The following SNX29 variants were observed in gnomAD, a reference collection of about 807,000 sequenced individuals.
SNX29 encodes sorting nexin 29.
SNX29 carries 78 observed loss-of-function variants against 102.1 expected under a neutral mutation model. The ratio of observed to expected loss-of-function variants is 0.76; its 90% CI spans 0.64 to 0.92. The LOEUF is 0.92. Among genes scored for constraint, SNX29 ranks in the 40% least tolerant of loss-of-function variants. SNX29 has a pLI of 0.00. For missense variants in SNX29, 1,280 were observed against 1,061.7 expected, an observed-to-expected ratio of 1.21 and a Z score of -2.86; for synonymous variants, 580 against 414.5, an observed-to-expected ratio of 1.40 and a Z score of -4.85.
At chr16:12,496,557 C>T (rs2088836861) in intron 19 of SNX29, among the ~76,000 whole-genome samples, 1 of 145,570 alleles carries the variant, frequency 6.9e-6, no homozygotes, top group African/African-American at 2.6e-5. Context: ...GTTTCCCAGG[C>T]TAGAGTGCAG....
At chr16:12,547,875 TCAG>T (rs908939129) in intron 20 of SNX29, among the ~76,000 whole-genome samples, 3 of 152,126 alleles carry the variant, frequency 2.0e-5, no homozygotes, top group African/African-American at 7.2e-5. Flanking sequence ...GCCACTTCCT[TCAG>T]CAGCAGTTCT....
At chr16:12,144,954 C>G (rs2055003624) in intron 13 of SNX29, among the ~76,000 whole-genome samples, 1 of 152,220 alleles carries the variant, frequency 6.6e-6, no homozygotes, top group Non-Finnish European at 1.5e-5. Context: ...ATCTCCTGAC[C>G]TCGTGATCCG....
At chr16:12,313,266 G>A (rs1026260207) in intron 15 of SNX29, among the ~76,000 whole-genome samples, 2 of 152,072 alleles carry the variant, frequency 1.3e-5, no homozygotes, top group Admixed American at 6.6e-5. Context: ...CACCTGCCTC[G>A]GCCTCCCGAA....
chr16:12,563,722 G>A (rs1267802963), intron 20 of SNX29, among the ~76,000 whole-genome samples: 2 of 152,216 alleles, frequency 1.3e-5, no homozygotes, highest in Non-Finnish European at 2.9e-5. Context: ...GAAAGCCAGA[G>A]ATGGCACTGT....
At chr16:12,502,014 C>T (rs746741040) in intron 19 of SNX29, among the ~76,000 whole-genome samples, 4 of 152,064 alleles carry the variant, frequency 2.6e-5, no homozygotes, top group Non-Finnish European at 4.4e-5. Flanking sequence ...CTGACTCATG[C>T]AGGTTTTACT....
At chr16:12,374,359 A>G (rs1298918219) in intron 16 of SNX29, 4 of 152,168 alleles carry the variant, frequency 2.6e-5, no homozygotes, top group African/African-American at 7.2e-5. Flanking sequence ...AGATGCAGTA[A>G]CCTACAAGTG....
intron 9 of SNX29, among the ~76,000 whole-genome samples, chr16:12,064,741 G>C (rs1027715038): frequency 6.6e-6 from 1 of 152,198 alleles, no homozygotes; most frequent in Non-Finnish European, 1.5e-5. Flanking sequence ...GTGTGGGGCC[G>C]ACTGGTGCCA....
intron 18 of SNX29, among the ~76,000 whole-genome samples, chr16:12,476,421 T>TATATATATATATACATAC (rs1411211272): frequency 9.2e-4 from 48 of 51,974 alleles, no homozygotes; most frequent in African/African-American, 3.0e-3. Context: ...TACATATATA[T>TATATATATATATACATAC]ATATATATAT....
In SNX29 at chr16:12,065,109, A is replaced by G. The variant is rs1475364459; in HGVS notation, c.1243+3463A>G. Among the ~76,000 whole-genome samples, 6 of 152,208 alleles carry G rather than the reference A, an allele frequency of 3.9e-5. No individual in the cohort carries two copies. In the East Asian group the frequency reaches 1.2e-3, roughly 29 times the overall value. On this transcript the variant is annotated intron_variant, in intron 9 of 20. Transcript: ENST00000566228. Reference sequence around the variant, plus strand: ...GGAACCCTGAAAGGAGTTCTCTTGAATCTTGGAAGAGATAACTCTGTGGTT... The same window carrying G: ...GGAACCCTGAAAGGAGTTCTCTTGAGTCTTGGAAGAGATAACTCTGTGGTT...
intron 5 of SNX29, among the ~76,000 whole-genome samples, chr16:12,045,608 T>TTG (rs2050053993): frequency 8.2e-6 from 1 of 121,954 alleles, no homozygotes; most frequent in South Asian, 2.5e-4. Flanking sequence ...TAGGCAGGCA[T>TTG]TATATTATTA....
At chr16:12,472,319 A>G (rs1444985841) in intron 18 of SNX29, among the ~76,000 whole-genome samples, 1 of 152,084 alleles carries the variant, frequency 6.6e-6, no homozygotes, top group African/African-American at 2.4e-5. Flanking sequence ...CCAGGAGTTC[A>G]AGACCAGCCT....
At chr16:12,555,093 G>T (rs1170605829) in intron 20 of SNX29, among the ~76,000 whole-genome samples, 1 of 150,066 alleles carries the variant, frequency 6.7e-6, no homozygotes. Flanking sequence ...AAAGTGAAAG[G>T]GCCAATCAGG....
intron 20 of SNX29, among the ~76,000 whole-genome samples, chr16:12,555,757 T>C (rs115744344): frequency 0.015 from 2,342 of 152,198 alleles, 56 homozygotes; most frequent in African/African-American, 0.053. Context: ...CAACTCCAAC[T>C]AGCCTTCAGG....
intron 9 of SNX29, 65 bp downstream of exon 9, chr16:12,061,711 G>A (rs2050783173): frequency 7.1e-7 from 1 of 1,417,568 alleles, no homozygotes; most frequent in Non-Finnish European, 9.7e-7. Flanking sequence ...CAGCAGGAAT[G>A]TCTGAGTTCC....
In SNX29 at chr16:12,562,472, G is replaced by C. The variant is rs1034909739; in HGVS notation, c.2319-6034G>C. Among the ~76,000 whole-genome samples, 3 of 152,164 alleles carry C rather than the reference G, an allele frequency of 2.0e-5. No individual in the cohort carries two copies. In the East Asian group the frequency reaches 5.8e-4, roughly 29 times the overall value. Reference sequence around the variant, plus strand: ...ACTTTGATCCCCCTTCATAGGCTAGGAACTCGAGTCCTAGAAAGGAGCATC... The same window carrying C: ...ACTTTGATCCCCCTTCATAGGCTAGCAACTCGAGTCCTAGAAAGGAGCATC... On this transcript the variant is annotated intron_variant, in intron 20 of 20. Transcript: ENST00000566228.
rs563909339 is a variant in SNX29 at position 12,196,542 on chromosome 16, A to T, written c.1596-3059A>T. ...TAGCTAGCAAGGAGGGATTTCAAGG[A>T]AGGTGCAAACATCTCAAATGTCCAA... On this transcript the variant is annotated intron_variant, in intron 13 of 20. Coordinates refer to ENST00000566228, the MANE Select transcript of SNX29 (RefSeq NM_032167.5). Among the ~76,000 whole-genome samples the T allele has an allele frequency of 5.9e-5, 9 of 152,184 alleles. No individual in the cohort carries two copies. The East Asian group carries it at 1.7e-3, about 29-fold the overall frequency.
intron 8 of SNX29, chr16:12,060,850 C>T (rs933819872): frequency 2.6e-5 from 12 of 456,114 alleles, no homozygotes; most frequent in Non-Finnish European, 4.8e-5. Context: ...GGTAAGGTGA[C>T]AGTATAACAG....
At chr16:12,551,531 C>T (rs1304938649) in intron 20 of SNX29, among the ~76,000 whole-genome samples, 1 of 152,142 alleles carries the variant, frequency 6.6e-6, no homozygotes, top group African/African-American at 2.4e-5. Flanking sequence ...TTAAAGTTCC[C>T]CAGGTAATTC....
intron 13 of SNX29, among the ~76,000 whole-genome samples, chr16:12,143,996 A>G (rs1416450438): frequency 6.6e-6 from 1 of 152,166 alleles, no homozygotes; most frequent in Non-Finnish European, 1.5e-5. Flanking sequence ...CTCAAACCTT[A>G]ATGTACCCAC....
Sources: allele counts gnomAD v4.1 joint callset (sites outside exome capture counted in the v4.1 genomes callset), GRCh38; gene constraint gnomAD v4.1.1; transcripts MANE v1.5; gene names NCBI Gene and HGNC (gene_info 2026-07-23, HGNC 2026-07-21).